The following WDFY4 variants were observed in gnomAD, a reference collection of about 807,000 sequenced individuals.
WDFY4 encodes WD repeat- and FYVE domain-containing protein 4.
WDFY4 carries 169 observed loss-of-function variants against 351.9 expected under a neutral mutation model. The observed-to-expected ratio is 0.48, with a 90% confidence interval of 0.42 to 0.55. WDFY4 has a LOEUF of 0.55. WDFY4 is among the 20% of genes least tolerant of loss of function. The probability of loss-of-function intolerance (pLI) is 0.00; values close to 1 mark genes in which losing one functional copy is unlikely to be tolerated. For synonymous variants in WDFY4, 1,622 were observed against 1,574.6 expected (o/e 1.03, Z -0.71); for missense variants, 3,803 against 3,935.6 (o/e 0.97, Z 0.90).
rs12257888 is a variant in WDFY4, at chr10:48,887,550, G to A, written c.7168-3029G>A. ...TCCCAGCACTTTGGGAGGCCAAGAC[G>A]GGCGGATCACGAGGTCAGGAGATCA... On this transcript the variant is annotated intron_variant, in intron 43 of 61. Coordinates refer to ENST00000325239, the MANE Select transcript of WDFY4 (RefSeq NM_001394531.1). Among the ~76,000 whole-genome samples the A allele has an allele frequency of 8.5e-3, 1,301 of 152,260 alleles. 20 individuals are homozygous for A. Among genetic ancestry groups the A allele is most frequent in the African/African-American group, 0.03 (1,237 of 41,528 alleles).
intron 60 of WDFY4, chr10:48,979,719 A>C (rs1263203712): frequency 6.6e-6 from 1 of 152,100 alleles, no homozygotes; most frequent in African/African-American, 2.4e-5. Flanking sequence ...GTGCCATTGG[A>C]TTTGCAGGTT....
At position 48,957,208 on chromosome 10, in the gene WDFY4, G is replaced by A; in HGVS notation, c.8057G>A (p.Ser2686Asn). 3 of 1,551,728 alleles carry A rather than the reference G, an allele frequency of 1.9e-6. No homozygotes were observed. The highest frequency in any genetic ancestry group is 1.7e-6 in the Non-Finnish European group (2 of 1,147,004). Residue 2686 changes from serine to asparagine, a missense_variant, in exon 52 of 62, where the codon AGT becomes AAT. Physicochemically the swap from Ser to Asn is conservative, Grantham distance 46. Coordinates refer to ENST00000325239, the MANE Select transcript of WDFY4 (RefSeq NM_001394531.1). ...TWESASRENMSDVRELTPEFF... is the reference protein window; with the variant it reads ...TWESASRENMNDVRELTPEFF... ...GAGTCGGCCTCCAGAGAGAACATGA[G>A]TGACGTCAGGGAGCTGACCCCAGAG...
chr10:48,974,041 C>A (rs975769590), intron 57 of WDFY4, among the ~76,000 whole-genome samples: 6 of 152,176 alleles, frequency 3.9e-5, no homozygotes, highest in Admixed American at 6.5e-5. Context: ...ATGTGAGAAT[C>A]CCCTGAGGGC....
chr10:48,937,391 G>C (rs1424713616), intron 47 of WDFY4, among the ~76,000 whole-genome samples: 1 of 152,094 alleles, frequency 6.6e-6, no homozygotes, highest in Non-Finnish European at 1.5e-5. Context: ...TCAGTGTTAG[G>C]GTCCTGGAGC....
intron 39 of WDFY4, among the ~76,000 whole-genome samples, chr10:48,841,874 TC>T (rs1461939008): frequency 3.9e-5 from 6 of 152,222 alleles, no homozygotes; most frequent in Admixed American, 3.9e-4. Flanking sequence ...TGTTCAAGTC[TC>T]CATAGCTTTC....
chr10:48,700,316 G>A (rs142878163), intron 1 of WDFY4, among the ~76,000 whole-genome samples: 43 of 152,252 alleles, frequency 2.8e-4, no homozygotes, highest in Non-Finnish European at 5.9e-4. Flanking sequence ...TGTGCTTTGG[G>A]GGCCCTTTAC....
At chr10:48,889,747 G>C (rs2070615634) in intron 43 of WDFY4, among the ~76,000 whole-genome samples, 1 of 151,940 alleles carries the variant, frequency 6.6e-6, no homozygotes, top group Non-Finnish European at 1.5e-5. Context: ...GGAGAAAGTT[G>C]ATTGGGAATG....
intron 1 of WDFY4, among the ~76,000 whole-genome samples, chr10:48,688,157 T>C (rs1167717517): frequency 5.9e-5 from 9 of 152,360 alleles, no homozygotes. Flanking sequence ...TGGGGGTCTT[T>C]CCTGGTTCTC....
intron 40 of WDFY4, among the ~76,000 whole-genome samples, chr10:48,872,385 A>G (rs2133279569): frequency 6.6e-6 from 1 of 152,294 alleles, no homozygotes; most frequent in Middle Eastern, 3.4e-3. Context: ...TGGAGAAGGC[A>G]CTTCTCCTTT....
At chr10:48,761,466 G>A (rs78984719) in intron 13 of WDFY4, among the ~76,000 whole-genome samples, 45,432 of 152,072 alleles carry the variant, frequency 0.3, 7,399 homozygotes, top group South Asian at 0.41. Flanking sequence ...AGCTGGATTA[G>A]GGTGGTGTCT....
chr10:48,778,080 T>C (rs946291560), intron 17 of WDFY4, among the ~76,000 whole-genome samples: 1 of 152,230 alleles, frequency 6.6e-6, no homozygotes, highest in East Asian at 1.9e-4. Context: ...GGTGGGACAG[T>C]GCAAGTGCCT....
intron 6 of WDFY4, among the ~76,000 whole-genome samples, chr10:48,727,071 C>T (rs976258561): frequency 6.6e-6 from 1 of 152,228 alleles, no homozygotes; most frequent in Admixed American, 6.5e-5. Flanking sequence ...CCCTCTGCCT[C>T]CTCACATGTT....
chr10:48,845,093 A>C (rs2068731614), intron 39 of WDFY4, among the ~76,000 whole-genome samples: 1 of 152,168 alleles, frequency 6.6e-6, no homozygotes, highest in South Asian at 2.1e-4. Flanking sequence ...TGTATATTTG[A>C]GAGCAGAGAG....
intron 14 of WDFY4, 76 bp from the exon 15 acceptor site, chr10:48,775,636 A>T: frequency 7.2e-7 from 1 of 1,384,712 alleles, no homozygotes; most frequent in South Asian, 1.3e-5. Flanking sequence ...CATCTAGGAC[A>T]GTTGTCAGGA....
At chr10:48,848,976 A>G (rs555667767) in intron 39 of WDFY4, among the ~76,000 whole-genome samples, 20 of 152,234 alleles carry the variant, frequency 1.3e-4, no homozygotes, top group African/African-American at 4.6e-4. Flanking sequence ...AGAATGACCA[A>G]TGAGAACTTG....
At chr10:48,802,830 C>T (rs1011297766) in intron 24 of WDFY4, 55 of 475,258 alleles carry the variant, frequency 1.2e-4, no homozygotes, top group Non-Finnish European at 2.1e-4. Flanking sequence ...CTGTACCTGG[C>T]TTCTATTTCC....
chr10:48,865,505 G>A (rs2069512345), intron 39 of WDFY4, among the ~76,000 whole-genome samples: 1 of 152,138 alleles, frequency 6.6e-6, no homozygotes, highest in Non-Finnish European at 1.5e-5. Flanking sequence ...ATATTTATAT[G>A]AGATATTGGT....
intron 24 of WDFY4, among the ~76,000 whole-genome samples, chr10:48,797,345 A>G (rs573919516): frequency 6.6e-6 from 1 of 152,266 alleles, no homozygotes; most frequent in South Asian, 2.1e-4. Flanking sequence ...CCTCAGGAGA[A>G]GTTTCAAAGC....
intron 1 of WDFY4, among the ~76,000 whole-genome samples, chr10:48,700,378 G>T (rs934974806): frequency 6.6e-6 from 1 of 152,126 alleles, no homozygotes; most frequent in Non-Finnish European, 1.5e-5. Context: ...AAATTCTCAG[G>T]GTCTTATGTC....
Sources: gnomAD v4.1 joint callset for allele counts (sites outside exome capture counted in the v4.1 genomes callset) on GRCh38, gnomAD v4.1.1 for gene constraint, MANE v1.5 for transcripts, NCBI Gene and HGNC (gene_info 2026-07-23, HGNC 2026-07-21) for gene names.